DCDC1: variants seen among roughly 807,000 people sequenced by gnomAD.
DCDC1 encodes the protein doublecortin domain containing 1.
DCDC1 carries 200 observed loss-of-function variants against 178.3 expected under a neutral mutation model. The observed-to-expected ratio is 1.12, with a 90% CI of 1.00 to 1.26. DCDC1 has a LOEUF of 1.26. DCDC1 is among the 50% of genes most tolerant of loss of function. The pLI is 0.00. For missense variants in DCDC1, 1,983 were observed against 1,749.2 expected, an observed-to-expected ratio of 1.13 and a Z score of -2.38; for synonymous variants, 690 against 604.8, an observed-to-expected ratio of 1.14 and a Z score of -2.07.
At chr11:31,275,067 T>C (rs1196689966) in intron 7 of DCDC1, among the ~76,000 whole-genome samples, 1 of 152,138 alleles carries the variant, frequency 6.6e-6, no homozygotes, top group African/African-American at 2.4e-5. Context: ...TGGTTGGTTT[T>C]GCTCACCACC....
intron 1 of DCDC1, among the ~76,000 whole-genome samples, chr11:31,366,589 T>A (rs1951968703): frequency 6.6e-6 from 1 of 152,160 alleles, no homozygotes; most frequent in Non-Finnish European, 1.5e-5. Context: ...AAGAAAAGAA[T>A]TAGGGTGTTA....
Position 31,039,933 on chromosome 11 carries a change from T to C in DCDC1, c.2591+24536A>G, listed in dbSNP as rs147381942. 4.9e-4 allele frequency among the ~76,000 whole-genome samples: 75 copies of C among 152,292 alleles called. 1 individual carries two copies. The highest frequency in any genetic ancestry group is 1.6e-3 in the African/African-American group (68 of 41,572). ...AAATTGATGTGAATGTTTATTTTTA[T>C]TGAGGTGGCTACAATCATTAAAACC... is the stretch of plus-strand genomic sequence containing the variant. On this transcript the variant is annotated intron_variant, in intron 20 of 38. Coordinates refer to ENST00000684477, the MANE Select transcript of DCDC1 (RefSeq NM_001387274.1).
At position 31,130,140 on chromosome 11, in the gene DCDC1, T is replaced by C. The variant is rs555018655; in HGVS notation, c.1315-2501A>G. Reference sequence around the variant, plus strand: ...TGTATGTCGCTTGATGCCTAGGCCATAGTTTTATGACTCATTCCTCTCTTA... The same window carrying C: ...TGTATGTCGCTTGATGCCTAGGCCACAGTTTTATGACTCATTCCTCTCTTA... On this transcript the variant is annotated intron_variant, in intron 10 of 38. Transcript: ENST00000684477. 1.7e-4 allele frequency among the ~76,000 whole-genome samples: 26 copies of C among 152,280 alleles called. No homozygotes were observed. The South Asian group carries it at 5.0e-3, about 29-fold the overall frequency.
intron 7 of DCDC1, among the ~76,000 whole-genome samples, chr11:31,268,260 T>C (rs1399974618): frequency 6.6e-6 from 1 of 152,214 alleles, no homozygotes; most frequent in African/African-American, 2.4e-5. Context: ...TTAAACTAAG[T>C]AAAACTATAA....
At chr11:31,133,496 AT>A (rs1282395671) in intron 10 of DCDC1, among the ~76,000 whole-genome samples, 1 of 152,184 alleles carries the variant, frequency 6.6e-6, no homozygotes, top group East Asian at 1.9e-4. Context: ...TTCAGGGCCA[AT>A]AATACAATGT....
chr11:30,878,492 G>C, intron 38 of DCDC1, 52 bp downstream of exon 38: 1 of 1,381,266 alleles, frequency 7.2e-7, no homozygotes, highest in Non-Finnish European at 9.6e-7. Flanking sequence ...AAATAAAAGA[G>C]ATAAATAATC....
intron 9 of DCDC1, among the ~76,000 whole-genome samples, chr11:31,218,184 A>G (rs949965625): frequency 1.3e-5 from 2 of 152,076 alleles, no homozygotes; most frequent in African/African-American, 4.8e-5. Context: ...TTAATTAATG[A>G]GAACATTGAA....
At chr11:30,907,062 A>C (rs1214222987) in intron 29 of DCDC1, among the ~76,000 whole-genome samples, 1 of 152,204 alleles carries the variant, frequency 6.6e-6, no homozygotes, top group African/African-American at 2.4e-5. Context: ...AGCCATCATC[A>C]TGTCCAAAAG....
At chr11:31,096,612 A>G (rs1348037639) in intron 15 of DCDC1, among the ~76,000 whole-genome samples, 16 of 152,064 alleles carry the variant, frequency 1.1e-4, no homozygotes, top group Admixed American at 1.0e-3. Context: ...CTGTTCTTCA[A>G]GAGATATTTT....
chr11:31,233,128 C>T (rs1416557359), intron 9 of DCDC1, among the ~76,000 whole-genome samples: 2 of 151,462 alleles, frequency 1.3e-5, no homozygotes, highest in East Asian at 3.9e-4. Context: ...ATTTAATCTT[C>T]ACAACAGCTC....
At chr11:30,874,576 G>T (rs1941942277) in intron 38 of DCDC1, among the ~76,000 whole-genome samples, 1 of 152,092 alleles carries the variant, frequency 6.6e-6, no homozygotes, top group African/African-American at 2.4e-5. Context: ...TCAGATTTTA[G>T]ATTTTTAGAG....
chr11:31,154,590 T>C (rs1965532338), intron 9 of DCDC1, among the ~76,000 whole-genome samples: 1 of 152,300 alleles, frequency 6.6e-6, no homozygotes, highest in Middle Eastern at 3.4e-3. Flanking sequence ...AGAATAGATA[T>C]TTAACAAATA....
intron 1 of DCDC1, among the ~76,000 whole-genome samples, chr11:31,346,682 C>G (rs1950833704): frequency 6.6e-6 from 1 of 151,928 alleles, no homozygotes; most frequent in South Asian, 2.1e-4. Flanking sequence ...CATGATAAAT[C>G]TTTTTTGTTA....
chr11:31,089,876 C>T (rs944280218), intron 17 of DCDC1, among the ~76,000 whole-genome samples: 29 of 152,158 alleles, frequency 1.9e-4, no homozygotes, highest in African/African-American at 6.7e-4. Context: ...CTTTAATGTC[C>T]CATCCAGTAA....
chr11:31,333,826 CA>C (rs2133146718), intron 2 of DCDC1, among the ~76,000 whole-genome samples: 1 of 152,254 alleles, frequency 6.6e-6, no homozygotes, highest in South Asian at 2.1e-4. Flanking sequence ...TTCCTCCTTT[CA>C]ACCTTAGTGA....
At chr11:31,222,622 G>A (rs983519976) in intron 9 of DCDC1, among the ~76,000 whole-genome samples, 1 of 152,152 alleles carries the variant, frequency 6.6e-6, no homozygotes, top group African/African-American at 2.4e-5. Flanking sequence ...TATTTTCTCA[G>A]AGCTCTGGAA....
At chr11:30,925,869 C>T (rs921189244) in intron 22 of DCDC1, among the ~76,000 whole-genome samples, 2 of 152,104 alleles carry the variant, frequency 1.3e-5, no homozygotes, top group Non-Finnish European at 2.9e-5. Context: ...TCTAATTTGT[C>T]ACCAAGTTCC....
chr11:31,343,496 G>A lies in DCDC1; in HGVS notation c.-124-7932C>T, dbSNP rs183100922. 1.0e-3 allele frequency among the ~76,000 whole-genome samples: 153 copies of A among 152,112 alleles called. 1 individual carries two copies. The highest frequency in any genetic ancestry group is 3.4e-3 in the African/African-American group (141 of 41,502). Reference sequence around the variant, plus strand: ...TAATTTTTGTATTTTTAGTAGAGATGGGGTTTCTCCATGTTGGTCAGGCTG... The same window carrying A: ...TAATTTTTGTATTTTTAGTAGAGATAGGGTTTCTCCATGTTGGTCAGGCTG... On this transcript the variant is annotated intron_variant, in intron 1 of 38. Transcript: ENST00000684477.
chr11:31,041,368 G>A (rs563495287), intron 20 of DCDC1, among the ~76,000 whole-genome samples: 1 of 152,318 alleles, frequency 6.6e-6, no homozygotes, highest in African/African-American at 2.4e-5. Context: ...TAGGTCCCAA[G>A]CACTATTTCT....
Sources: allele counts gnomAD v4.1 joint callset (sites outside exome capture counted in the v4.1 genomes callset), GRCh38; gene constraint gnomAD v4.1.1; transcripts MANE v1.5; gene names NCBI Gene and HGNC (gene_info 2026-07-23, HGNC 2026-07-21).